MPP7: variants seen among roughly 807,000 people sequenced by gnomAD.
MPP7 encodes MAGUK p55 scaffold protein 7, also known as MAGUK p55 subfamily member 7.
A neutral mutation model predicts 76.5 loss-of-function variants in MPP7; 60 were observed. The ratio of observed to expected loss-of-function variants is 0.78; its 90% CI spans 0.64 to 0.97. The LOEUF is 0.97. Among genes scored for constraint, MPP7 ranks in the 50% least tolerant of loss-of-function variants. The pLI is 0.00. For missense variants in MPP7, 641 were observed against 694.0 expected, an observed-to-expected ratio of 0.92 and a Z score of 0.86; for synonymous variants, 237 against 244.5, an observed-to-expected ratio of 0.97 and a Z score of 0.29.
chr10:28,193,491 G>A (rs775192163), intron 3 of MPP7, among the ~76,000 whole-genome samples: 7 of 152,076 alleles, frequency 4.6e-5, no homozygotes, highest in Non-Finnish European at 5.9e-5. Flanking sequence ...GATTACAGGC[G>A]TGAGTCACCA....
At chr10:28,295,884 C>T (rs1237441667) in intron 1 of MPP7, among the ~76,000 whole-genome samples, 4 of 152,152 alleles carry the variant, frequency 2.6e-5, no homozygotes, top group South Asian at 2.1e-4. Flanking sequence ...TCTAATAAGG[C>T]CTTTTTTTGT....
At chr10:28,100,038 C>A (rs1853751391) in intron 11 of MPP7, among the ~76,000 whole-genome samples, 1 of 146,218 alleles carries the variant, frequency 6.8e-6, no homozygotes, top group Non-Finnish European at 1.5e-5. Context: ...TTCATTTGAC[C>A]AAGCAAATAT....
At chr10:28,254,787 C>T (rs11006956) in intron 1 of MPP7, 30,524 of 152,062 alleles carry the variant, frequency 0.2, 3,548 homozygotes, top group East Asian at 0.54. Flanking sequence ...CAGTGGAGTG[C>T]TGGCTGTAAA....
upstream of MPP7, chr10:28,307,791 G>A (rs908735686): frequency 1.3e-5 from 2 of 152,172 alleles, no homozygotes; most frequent in African/African-American, 2.4e-5. Context: ...CCAAAAAGGG[G>A]GAAAGGATCC....
intron 12 of MPP7, among the ~76,000 whole-genome samples, chr10:28,089,209 A>G (rs1853167727): frequency 1.3e-5 from 2 of 152,224 alleles, no homozygotes; most frequent in Admixed American, 1.3e-4. Flanking sequence ...CACGGCACCC[A>G]GCCAATTATC....
At chr10:28,333,767 G>A (rs1401799604) in intron 1 of MPP7, among the ~76,000 whole-genome samples, 3 of 152,154 alleles carry the variant, frequency 2.0e-5, no homozygotes, top group Admixed American at 2.0e-4. Context: ...TAAAGTAGGT[G>A]GAATTAATTT....
chr10:28,311,013 G>C (rs1477744809), intron 2 of MPP7, among the ~76,000 whole-genome samples: 1 of 151,994 alleles, frequency 6.6e-6, no homozygotes, highest in Non-Finnish European at 1.5e-5. Flanking sequence ...CAGGGGCTTT[G>C]ACTTATTCAC....
rs80314443 is a variant in MPP7 at position 28,150,213 on chromosome 10, C to T, written c.157-154G>A. Among the ~76,000 whole-genome samples the T allele has an allele frequency of 4.1e-3, 629 of 152,280 alleles. 4 individuals are homozygous for T. Among genetic ancestry groups the T allele is most frequent in the African/African-American group, 0.014 (580 of 41,552 alleles). On this transcript the variant is annotated intron_variant, in intron 3 of 16. Transcript: ENST00000683449. ...CACACATGTAATATGTTTGTACATG[C>T]TAATATAAACCCATAGGTGACACGT... is the stretch of plus-strand genomic sequence containing the variant.
chr10:28,056,733 A>G, intron 15 of MPP7, 110 bp from the exon 16 acceptor site: 2 of 803,862 alleles, frequency 2.5e-6, no homozygotes, highest in Non-Finnish European at 1.8e-6. Flanking sequence ...GTCAGTAGTC[A>G]TTTCAATATA....
intron 1 of MPP7, among the ~76,000 whole-genome samples, chr10:28,250,532 T>C (rs947465787): frequency 1.3e-5 from 2 of 152,208 alleles, no homozygotes; most frequent in African/African-American, 4.8e-5. Flanking sequence ...CAACCCATCC[T>C]ACACAGGCTG....
At chr10:28,089,560 T>C in intron 12 of MPP7, 111 bp downstream of exon 12, 1 of 955,832 alleles carries the variant, frequency 1.0e-6, no homozygotes, top group Non-Finnish European at 1.5e-6. Flanking sequence ...CAAAAGGTGT[T>C]GAAGGGGAGG....
At chr10:28,317,343 CAT>C (rs781242940) in intron 2 of MPP7, among the ~76,000 whole-genome samples, 1 of 152,056 alleles carries the variant, frequency 6.6e-6, no homozygotes, top group Non-Finnish European at 1.5e-5. Context: ...ACCTGGGCAA[CAT>C]AGGGAGAGCC....
chr10:28,058,715 CT>C (rs1361251212), intron 14 of MPP7, 112 bp from the exon 15 acceptor site: 1 of 524,064 alleles, frequency 1.9e-6, no homozygotes, highest in African/African-American at 1.9e-5. Flanking sequence ...TTTTTTTAAA[CT>C]GTGTTTAATA....
At chr10:28,130,376 C>T (rs1835154229) in intron 6 of MPP7, among the ~76,000 whole-genome samples, 1 of 152,108 alleles carries the variant, frequency 6.6e-6, no homozygotes, top group Non-Finnish European at 1.5e-5. Context: ...TCCCAACTCC[C>T]ACTTAGGTCA....
At chr10:28,152,850 T>A (rs916331569) in intron 3 of MPP7, among the ~76,000 whole-genome samples, 1 of 152,164 alleles carries the variant, frequency 6.6e-6, no homozygotes, top group Non-Finnish European at 1.5e-5. Context: ...TGTGGCTTCA[T>A]CATCAATGAG....
rs567280761 is a variant in MPP7, at chr10:28,174,366, A to G, written c.157-24307T>C. On this transcript the variant is annotated intron_variant, in intron 3 of 16. Coordinates refer to ENST00000683449, the MANE Select transcript of MPP7 (RefSeq NM_001318170.2). ...GGTTGGTGCCATTCTCTAGAGAGTGAGTTCTCACTCTTAGCTCCCATGAAA... is the reference window on the plus strand; with the variant it reads ...GGTTGGTGCCATTCTCTAGAGAGTGGGTTCTCACTCTTAGCTCCCATGAAA... Among the ~76,000 whole-genome samples, 3 of 152,244 alleles carry G rather than the reference A, an allele frequency of 2.0e-5. No individual in the cohort carries two copies. The South Asian group carries it at 6.2e-4, about 32-fold the overall frequency.
At chr10:28,263,776 A>T (rs899467624) in intron 1 of MPP7, among the ~76,000 whole-genome samples, 1 of 152,178 alleles carries the variant, frequency 6.6e-6, no homozygotes, top group African/African-American at 2.4e-5. Context: ...CATCCGACAC[A>T]TGTGGGAACC....
intron 2 of MPP7, among the ~76,000 whole-genome samples, chr10:28,327,846 T>G (rs1291606572): frequency 7.2e-6 from 1 of 139,156 alleles, no homozygotes; most frequent in Non-Finnish European, 1.5e-5. Context: ...ACTGGAAGAA[T>G]TCCATGGACC....
At chr10:28,071,397 A>G (rs1224918685) in intron 12 of MPP7, among the ~76,000 whole-genome samples, 9 of 152,174 alleles carry the variant, frequency 5.9e-5, no homozygotes, top group Admixed American at 5.9e-4. Flanking sequence ...TGACCCTTGT[A>G]TAAAAACACC....
Sources: gnomAD v4.1 joint callset for allele counts (sites outside exome capture counted in the v4.1 genomes callset) on GRCh38, gnomAD v4.1.1 for gene constraint, MANE v1.5 for transcripts, NCBI Gene and HGNC (gene_info 2026-07-23, HGNC 2026-07-21) for gene names.